Variants in TMEM108 observed in about 807,000 individuals in gnomAD.
TMEM108 encodes the protein transmembrane protein 108.
Under a neutral mutation model 35.1 loss-of-function variants are expected in TMEM108, and 12 were observed. That is an observed-to-expected ratio of 0.34 (90% CI 0.22 to 0.55). The LOEUF (loss-of-function observed/expected upper bound fraction) is 0.55. TMEM108 is among the 20% of genes least tolerant of loss of function. The pLI, the probability that TMEM108 is intolerant of heterozygous loss-of-function variation, is 0.89. For missense variants in TMEM108, 680 were observed against 753.3 expected, an observed-to-expected ratio of 0.90 and a Z score of 1.14; for synonymous variants, 287 against 308.6, an observed-to-expected ratio of 0.93 and a Z score of 0.73.
At chr3:133,291,092 C>A (rs1416079406) in intron 3 of TMEM108, among the ~76,000 whole-genome samples, 1 of 152,136 alleles carries the variant, frequency 6.6e-6, no homozygotes, top group Non-Finnish European at 1.5e-5. Context: ...ATTTTTTAAT[C>A]AAGCCATGTA....
intron 3 of TMEM108, among the ~76,000 whole-genome samples, chr3:133,282,052 G>A (rs1207107068): frequency 1.3e-5 from 2 of 152,190 alleles, no homozygotes; most frequent in African/African-American, 4.8e-5. Context: ...AGCTACTCGG[G>A]AGGCTGAGGC....
intron 2 of TMEM108, among the ~76,000 whole-genome samples, chr3:133,184,715 A>C (rs144667497): frequency 1.3e-5 from 2 of 152,352 alleles, no homozygotes; most frequent in East Asian, 3.9e-4. Flanking sequence ...ACTTGTAGAC[A>C]AAACTGACTC....
chr3:133,243,277 A>G (rs1037524565), intron 3 of TMEM108, among the ~76,000 whole-genome samples: 2 of 152,110 alleles, frequency 1.3e-5, no homozygotes, highest in African/African-American at 4.8e-5. Context: ...GTCACATCTA[A>G]CCAGTTCTCA....
chr3:133,186,075 T>C (rs1945417167), intron 2 of TMEM108, among the ~76,000 whole-genome samples: 1 of 152,148 alleles, frequency 6.6e-6, no homozygotes, highest in Admixed American at 6.6e-5. Context: ...GCTGGGGCCT[T>C]GCATTTCTAA....
intron 3 of TMEM108, among the ~76,000 whole-genome samples, chr3:133,298,274 G>A (rs1042876955): frequency 2.0e-5 from 3 of 152,138 alleles, no homozygotes; most frequent in African/African-American, 7.2e-5. Flanking sequence ...AGGACCAAGT[G>A]ATTTGTTTCA....
chr3:133,265,663 G>A (rs1442578763), intron 3 of TMEM108, among the ~76,000 whole-genome samples: 1 of 152,114 alleles, frequency 6.6e-6, no homozygotes, highest in Non-Finnish European at 1.5e-5. Flanking sequence ...GTCTGCTGTT[G>A]GGCTTTTGCG....
chr3:133,220,506 A>G, intron 2 of TMEM108, among the ~76,000 whole-genome samples: 1 of 152,198 alleles, frequency 6.6e-6, no homozygotes, highest in East Asian at 1.9e-4. Context: ...AGGACTTTTT[A>G]GAAGGAGTTT....
intron 2 of TMEM108, among the ~76,000 whole-genome samples, chr3:133,156,864 C>T (rs537994936): frequency 7.7e-4 from 117 of 152,248 alleles, no homozygotes; most frequent in African/African-American, 2.7e-3. Flanking sequence ...TTGTTTTCCC[C>T]TTTTTTTCTC....
intron 3 of TMEM108, among the ~76,000 whole-genome samples, chr3:133,314,450 A>G (rs974661805): frequency 2.0e-5 from 3 of 152,242 alleles, no homozygotes; most frequent in African/African-American, 7.2e-5. Flanking sequence ...CAATTTCCAG[A>G]TCAACTCCAA....
intron 2 of TMEM108, among the ~76,000 whole-genome samples, chr3:133,169,073 G>A (rs1945089169): frequency 1.3e-5 from 2 of 152,212 alleles, no homozygotes; most frequent in Non-Finnish European, 2.9e-5. Context: ...GAGGGTCTGT[G>A]GCTTCATTCT....
chr3:133,077,494 A>G lies in TMEM108; in HGVS notation c.-47+31474A>G, dbSNP rs117129125. The stretch of plus-strand genomic sequence containing the variant: ...TTTCAGTGAGTTGTCTGACCCAGGA[A>G]GGTCAGCACTCTGCTCTCCCCACTT... On this transcript the variant is annotated intron_variant, in intron 2 of 5. Coordinates refer to ENST00000321871, the MANE Select transcript of TMEM108 (RefSeq NM_023943.4). Among the ~76,000 whole-genome samples, 683 of 152,236 alleles carry G rather than the reference A, an allele frequency of 4.5e-3. 13 individuals carry two copies. In the South Asian group the frequency reaches 0.046, roughly 10 times the overall value.
intron 2 of TMEM108, among the ~76,000 whole-genome samples, chr3:133,185,094 CAAT>C (rs1444769751): frequency 6.6e-6 from 1 of 152,146 alleles, no homozygotes. Context: ...TGATGGTAAA[CAAT>C]AAGATTTTTC....
intron 2 of TMEM108, among the ~76,000 whole-genome samples, chr3:133,186,207 T>G (rs1047456401): frequency 6.6e-6 from 1 of 152,246 alleles, no homozygotes; most frequent in Non-Finnish European, 1.5e-5. Context: ...CTAACACTGT[T>G]CACTTCATTA....
chr3:133,115,147 A>G (rs1034669033), intron 2 of TMEM108, among the ~76,000 whole-genome samples: 3 of 152,248 alleles, frequency 2.0e-5, no homozygotes, highest in African/African-American at 7.2e-5. Context: ...TGGATTATGA[A>G]AAGTGCTTAG....
intron 5 of TMEM108, among the ~76,000 whole-genome samples, chr3:133,391,720 C>G (rs976690939): frequency 3.9e-5 from 6 of 152,196 alleles, no homozygotes; most frequent in African/African-American, 1.4e-4. Context: ...CCCAGCACCC[C>G]CTTCACTTGC....
At chr3:133,077,747 G>A (rs2107694550) in intron 2 of TMEM108, among the ~76,000 whole-genome samples, 1 of 152,274 alleles carries the variant, frequency 6.6e-6, no homozygotes, top group East Asian at 1.9e-4. Flanking sequence ...GAGTTGGCTA[G>A]CTTCCTCTGC....
chr3:133,174,540 C>G (rs1394057412), intron 2 of TMEM108, among the ~76,000 whole-genome samples: 1 of 152,208 alleles, frequency 6.6e-6, no homozygotes, highest in African/African-American at 2.4e-5. Context: ...GTTGTGCAGC[C>G]TCCGCTGCTG....
At chr3:133,102,491 G>T (rs539276523) in intron 2 of TMEM108, among the ~76,000 whole-genome samples, 1 of 152,058 alleles carries the variant, frequency 6.6e-6, no homozygotes, top group African/African-American at 2.4e-5. Flanking sequence ...CTCATGTACC[G>T]CCACATGCTT....
intron 4 of TMEM108, among the ~76,000 whole-genome samples, chr3:133,385,838 T>C (rs2107852870): frequency 6.6e-6 from 1 of 152,336 alleles, no homozygotes; most frequent in South Asian, 2.1e-4. Flanking sequence ...GTCTGCAAAA[T>C]GGGACTCCTG....
Sources: gnomAD v4.1 joint callset for allele counts (sites outside exome capture counted in the v4.1 genomes callset) on GRCh38, gnomAD v4.1.1 for gene constraint, MANE v1.5 for transcripts, NCBI Gene and HGNC (gene_info 2026-07-23, HGNC 2026-07-21) for gene names.